Variants in RALYL observed in about 807,000 individuals in gnomAD.
RALYL encodes RALY RNA binding protein like.
RALYL carries 29 observed loss-of-function variants against 35.1 expected under a neutral mutation model. That is an observed-to-expected ratio of 0.83 (90% CI 0.61 to 1.13). RALYL has a LOEUF of 1.13. RALYL is among the 50% of genes most tolerant of loss of function. RALYL has a pLI of 0.00. For synonymous variants in RALYL, 120 were observed against 127.6 expected (o/e 0.94, Z 0.40); for missense variants, 359 against 360.4 (o/e 1.00, Z 0.03).
intron 1 of RALYL, among the ~76,000 whole-genome samples, chr8:84,351,277 A>G (rs1038975801): frequency 3.3e-5 from 5 of 150,218 alleles, no homozygotes; most frequent in Non-Finnish European, 7.4e-5. Context: ...ATTCTCATAT[A>G]TTACTTTTCT....
chr8:84,818,575 A>G (rs546917931), intron 4 of RALYL, among the ~76,000 whole-genome samples: 1 of 152,308 alleles, frequency 6.6e-6, no homozygotes, highest in East Asian at 1.9e-4. Context: ...AAAAGACAAA[A>G]GATAAGATTG....
At chr8:84,832,520 T>C (rs537745922) in intron 4 of RALYL, among the ~76,000 whole-genome samples, 20 of 152,258 alleles carry the variant, frequency 1.3e-4, no homozygotes, top group Non-Finnish European at 2.1e-4. Context: ...TTCTAGAGAA[T>C]ATGTAGTGCA....
chr8:84,420,356 G>T (rs1297605621), intron 1 of RALYL, among the ~76,000 whole-genome samples: 2 of 152,120 alleles, frequency 1.3e-5, no homozygotes, highest in Non-Finnish European at 2.9e-5. Context: ...TTTGAGAAGT[G>T]TCTGTTCATG....
intron 1 of RALYL, among the ~76,000 whole-genome samples, chr8:84,240,299 C>A (rs1046045186): frequency 2.6e-5 from 4 of 152,214 alleles, no homozygotes; most frequent in African/African-American, 4.8e-5. Context: ...ATTTAAAATT[C>A]TCTTTAGCTT....
chr8:84,267,201 A>C (rs201143308), intron 1 of RALYL, among the ~76,000 whole-genome samples: 1 of 152,162 alleles, frequency 6.6e-6, no homozygotes, highest in Non-Finnish European at 1.5e-5. Context: ...CTTTCAAATA[A>C]GAAAGAAAAA....
intron 2 of RALYL, among the ~76,000 whole-genome samples, chr8:84,551,024 T>G (rs2060683942): frequency 6.6e-6 from 1 of 152,086 alleles, no homozygotes; most frequent in South Asian, 2.1e-4. Flanking sequence ...GTAGTGACAT[T>G]TACACACAAA....
chr8:84,729,868 G>T (rs986177491), intron 2 of RALYL, among the ~76,000 whole-genome samples: 5 of 152,094 alleles, frequency 3.3e-5, no homozygotes, highest in African/African-American at 4.8e-5. Flanking sequence ...CCAATAACAG[G>T]ATCTGAAATT....
chr8:84,323,228 A>C (rs1208071655), intron 1 of RALYL, among the ~76,000 whole-genome samples: 1 of 152,062 alleles, frequency 6.6e-6, no homozygotes. Flanking sequence ...TAAATAGTAA[A>C]ACATGCCTCA....
chr8:84,318,259 A>G (rs2130275583), intron 1 of RALYL, among the ~76,000 whole-genome samples: 1 of 152,262 alleles, frequency 6.6e-6, no homozygotes, highest in African/African-American at 2.4e-5. Flanking sequence ...CTGCTTTCCA[A>G]CTTGTCCTCC....
At chr8:84,455,662 A>G (rs950582487) in intron 1 of RALYL, among the ~76,000 whole-genome samples, 1 of 152,060 alleles carries the variant, frequency 6.6e-6, no homozygotes, top group African/African-American at 2.4e-5. Context: ...CAAATGGGCA[A>G]AGCTCTCTTA....
intron 1 of RALYL, among the ~76,000 whole-genome samples, chr8:84,506,525 G>C (rs1176221936): frequency 1.3e-5 from 2 of 151,866 alleles, no homozygotes; most frequent in Admixed American, 6.6e-5. Flanking sequence ...TTCGGTTATT[G>C]GATGTTTCAG....
chr8:84,527,627 T>G (rs2058996160), intron 1 of RALYL, among the ~76,000 whole-genome samples: 1 of 152,156 alleles, frequency 6.6e-6, no homozygotes, highest in South Asian at 2.1e-4. Context: ...CTATCTTGAT[T>G]TTTCTTGTTT....
rs528857694 is a variant in RALYL, at chr8:84,310,161, G to T, written c.-24+125737G>T. Reference sequence around the variant, plus strand: ...CCCTGGTTGAAATGATTCTGCCTCAGCCTCCCAAGTACCTGGGGTTACAGG... The same window carrying T: ...CCCTGGTTGAAATGATTCTGCCTCATCCTCCCAAGTACCTGGGGTTACAGG... On this transcript the variant is annotated intron_variant, in intron 1 of 8. Transcript: ENST00000521268. Among the ~76,000 whole-genome samples the T allele has an allele frequency of 9.2e-5, 14 of 151,698 alleles. No individual in the cohort carries two copies. In the East Asian group the frequency reaches 2.7e-3, roughly 30 times the overall value.
intron 2 of RALYL, among the ~76,000 whole-genome samples, chr8:84,722,389 T>C (rs113537661): frequency 4.3e-3 from 654 of 151,848 alleles, no homozygotes; most frequent in African/African-American, 0.014. Flanking sequence ...GCTGAGATGA[T>C]TAGAACACCA....
chr8:84,396,131 G>A (rs1861703249), intron 1 of RALYL, among the ~76,000 whole-genome samples: 1 of 151,810 alleles, frequency 6.6e-6, no homozygotes, highest in African/African-American at 2.4e-5. Flanking sequence ...AACTCAGCAA[G>A]TCTTCAGAAA....
At chr8:84,522,538 C>T (rs1271288408) in intron 1 of RALYL, among the ~76,000 whole-genome samples, 6 of 151,868 alleles carry the variant, frequency 4.0e-5, no homozygotes, top group African/African-American at 9.7e-5. Flanking sequence ...CGTGAGCCAC[C>T]GCGCCCGGCC....
chr8:84,758,965 CT>C (rs1812065511), intron 2 of RALYL, among the ~76,000 whole-genome samples: 2 of 152,086 alleles, frequency 1.3e-5, no homozygotes, highest in Admixed American at 6.6e-5. Context: ...GGCTATATTC[CT>C]TTCTGGAGGC....
At chr8:84,686,498 G>A (rs556298587) in intron 2 of RALYL, among the ~76,000 whole-genome samples, 83 of 152,118 alleles carry the variant, frequency 5.5e-4, no homozygotes, top group African/African-American at 1.6e-3. Context: ...TCCACCTCCC[G>A]GGTTCAAGCA....
At chr8:84,278,189 G>A (rs1483359092) in intron 1 of RALYL, among the ~76,000 whole-genome samples, 1 of 152,206 alleles carries the variant, frequency 6.6e-6, no homozygotes, top group African/African-American at 2.4e-5. Flanking sequence ...TGACTTCTGT[G>A]CACCTGCAGG....
Sources: allele counts gnomAD v4.1 joint callset (sites outside exome capture counted in the v4.1 genomes callset), GRCh38; gene constraint gnomAD v4.1.1; transcripts MANE v1.5; gene names NCBI Gene and HGNC (gene_info 2026-07-23, HGNC 2026-07-21).